The following GTF2IRD1 variants were observed in gnomAD, a reference collection of about 807,000 sequenced individuals.
The protein encoded by GTF2IRD1 is GTF2I repeat domain containing 1, also known as general transcription factor II-I repeat domain-containing protein 1.
In GTF2IRD1, 26 loss-of-function variants were observed where a neutral mutation model predicts 113.2. The observed-to-expected ratio is 0.23, with a 90% CI of 0.17 to 0.32. The LOEUF (loss-of-function observed/expected upper bound fraction) is 0.32. Ranked by LOEUF, GTF2IRD1 falls within the 10% of genes least tolerant of loss-of-function variation. The pLI is 1.00. For synonymous variants in GTF2IRD1, 484 were observed against 529.1 expected (o/e 0.91, Z 1.17); for missense variants, 864 against 1,280.8 (o/e 0.67, Z 4.97).
At chr7:74,456,552 A>G (rs970388309) in intron 1 of GTF2IRD1, among the ~76,000 whole-genome samples, 5 of 152,146 alleles carry the variant, frequency 3.3e-5, no homozygotes, top group East Asian at 1.9e-4. Context: ...GCGTGGTGGC[A>G]GGCATCTGTA....
At chr7:74,566,127 G>A (rs1168066562) in intron 22 of GTF2IRD1, among the ~76,000 whole-genome samples, 1 of 151,964 alleles carries the variant, frequency 6.6e-6, no homozygotes, top group Non-Finnish European at 1.5e-5. Context: ...TTTTTATGAT[G>A]ATACATTTCT....
intron 1 of GTF2IRD1, among the ~76,000 whole-genome samples, chr7:74,495,275 C>G (rs1244433527): frequency 6.6e-6 from 1 of 152,180 alleles, no homozygotes. Flanking sequence ...TGGGCTGAGG[C>G]TAGGACAGTC....
intron 17 of GTF2IRD1, among the ~76,000 whole-genome samples, chr7:74,550,696 C>A (rs1301299880): frequency 6.6e-6 from 1 of 151,688 alleles, no homozygotes; most frequent in African/African-American, 2.4e-5. Context: ...TCGCTTGAGC[C>A]CAGGAATTTG....
intron 1 of GTF2IRD1, among the ~76,000 whole-genome samples, chr7:74,482,955 A>G (rs2267835): frequency 0.037 from 5,676 of 152,328 alleles, 318 homozygotes; most frequent in East Asian, 0.3. Flanking sequence ...ATTACTGCCC[A>G]TCGTCAAAGA....
rs148736683 is a variant in GTF2IRD1 at position 74,582,498 on chromosome 7, A to G, written c.2321-7353A>G. 6.6e-4 allele frequency among the ~76,000 whole-genome samples: 100 copies of G among 152,206 alleles called. No homozygotes were observed. The East Asian group carries it at 0.019, about 28-fold the overall frequency. ...GGTCTTGAACTCCTGGCCTCAAGCA[A>G]TCCTCCCACTTCAGCCTTCCAAAGT... On this transcript the variant is annotated intron_variant, in intron 22 of 26. Coordinates refer to ENST00000424337, the MANE Select transcript of GTF2IRD1 (RefSeq NM_005685.4).
At chr7:74,513,613 A>G (rs1471032819) in intron 3 of GTF2IRD1, among the ~76,000 whole-genome samples, 1 of 152,160 alleles carries the variant, frequency 6.6e-6, no homozygotes, top group African/African-American at 2.4e-5. Flanking sequence ...CCATGTTCCA[A>G]TAAGATTTAT....
intron 3 of GTF2IRD1, among the ~76,000 whole-genome samples, chr7:74,513,454 T>A (rs1796750412): frequency 6.6e-6 from 1 of 152,112 alleles, no homozygotes; most frequent in African/African-American, 2.4e-5. Context: ...TACAGGCACC[T>A]ACCACCACGC....
chr7:74,463,015 T>G (rs1328134195), intron 1 of GTF2IRD1, among the ~76,000 whole-genome samples: 14 of 152,138 alleles, frequency 9.2e-5, no homozygotes, highest in African/African-American at 3.4e-4. Context: ...ATCCCCACCC[T>G]GTGGGAGTCT....
Position 74,521,619 on chromosome 7 carries a change from G to A in GTF2IRD1, c.1006+322G>A, listed in dbSNP as rs587687136. On this transcript the variant is annotated intron_variant, in intron 7 of 26. Transcript: ENST00000424337. ...TCTACAAAAAATAAGAAAAATTAGT[G>A]GATGTGGTGGTGCCTACCCGTAGTC... 3.3e-5 allele frequency among the ~76,000 whole-genome samples: 5 copies of A among 152,166 alleles called. No homozygotes were observed. The East Asian group carries it at 9.7e-4, about 29-fold the overall frequency.
Position 74,508,125 on chromosome 7 carries a change from C to T in GTF2IRD1, c.45C>T (p.Cys15=), listed in dbSNP as rs781839100. Residue 15 remains cysteine, a synonymous_variant, in exon 2 of 27, where the codon TGC becomes TGT. Coordinates refer to ENST00000424337, the MANE Select transcript of GTF2IRD1 (RefSeq NM_005685.4). ...GCTGTGACGTCCCCACCAACGGCTG[C>T]GGACCCGACCGCTGGAACTCCGCGT... is the stretch of plus-strand genomic sequence containing the variant. ...GKRCDVPTNG[C]GPDRWNSAFT... is the part of the protein sequence containing the mutation. 16 of 1,610,994 alleles carry T rather than the reference C, an allele frequency of 9.9e-6. No individual in the cohort carries two copies. Among genetic ancestry groups the T allele is most frequent in the East Asian group, 4.5e-5 (2 of 44,878 alleles).
chr7:74,477,079 C>T (rs1003726052), intron 1 of GTF2IRD1, among the ~76,000 whole-genome samples: 1 of 151,986 alleles, frequency 6.6e-6, no homozygotes, highest in Non-Finnish European at 1.5e-5. Flanking sequence ...AAAGCAAGAA[C>T]GGGGCTGGGC....
rs782117839 is a variant in GTF2IRD1, at chr7:74,519,641, G to T, written c.838G>T (p.Ala280Ser). 5.0e-6 allele frequency: 8 copies of T among 1,610,754 alleles called. No homozygotes were observed. The East Asian group carries it at 1.3e-4, about 27-fold the overall frequency. Residue 280 changes from alanine (A) to serine (S), a missense_variant, in exon 6 of 27, where the codon GCC becomes TCC. Physicochemically the swap from Ala to Ser is moderately conservative, Grantham distance 99 (BLOSUM62 1). Transcript: ENST00000424337. Reference sequence around the variant, plus strand: ...GCAGGAAGCACCTTCCTGCCCCCTTGCCCCCAGCGACCTGGGCCTGAGTCG... The same window carrying T: ...GCAGGAAGCACCTTCCTGCCCCCTTTCCCCCAGCGACCTGGGCCTGAGTCG... The part of the protein sequence containing the change: ...LKQEAPSCPL[A>S]PSDLGLSRPM...
chr7:74,566,681 C>T (rs782368491), intron 22 of GTF2IRD1, among the ~76,000 whole-genome samples: 2 of 152,196 alleles, frequency 1.3e-5, no homozygotes, highest in African/African-American at 4.8e-5. Flanking sequence ...AGCCCACTCA[C>T]GTTACCACGT....
intron 26 of GTF2IRD1, 107 bp from the exon 27 acceptor site, chr7:74,602,258 T>C: frequency 7.3e-7 from 1 of 1,372,428 alleles, no homozygotes. Flanking sequence ...ATAAAAAATA[T>C]AAATAAATAG....
chr7:74,574,993 G>C (rs1800942721), intron 22 of GTF2IRD1, among the ~76,000 whole-genome samples: 1 of 152,102 alleles, frequency 6.6e-6, no homozygotes, highest in South Asian at 2.1e-4. Context: ...GGGAGGCTGA[G>C]GCAGGAGAAT....
At chr7:74,590,283 G>A (rs1801980764) in intron 23 of GTF2IRD1, among the ~76,000 whole-genome samples, 1 of 151,574 alleles carries the variant, frequency 6.6e-6, no homozygotes, top group Non-Finnish European at 1.5e-5. Context: ...GTTTCACTAT[G>A]TTGCCCAGAC....
intron 22 of GTF2IRD1, among the ~76,000 whole-genome samples, chr7:74,584,352 C>T (rs782709212): frequency 3.9e-5 from 6 of 152,018 alleles, no homozygotes; most frequent in Non-Finnish European, 7.4e-5. Flanking sequence ...GGCTGAGGCA[C>T]GAGAATCACT....
intron 22 of GTF2IRD1, among the ~76,000 whole-genome samples, chr7:74,560,376 G>A (rs1175028415): frequency 2.0e-5 from 3 of 151,662 alleles, no homozygotes; most frequent in Admixed American, 1.3e-4. Flanking sequence ...AAGCATGTTG[G>A]TAAGATGTGG....
intron 22 of GTF2IRD1, among the ~76,000 whole-genome samples, chr7:74,578,751 T>C (rs1554365276): frequency 6.6e-6 from 1 of 152,206 alleles, no homozygotes; most frequent in Non-Finnish European, 1.5e-5. Context: ...AACCCAGCAC[T>C]GTGGCAGGCC....
Sources: gnomAD v4.1 joint callset for allele counts (sites outside exome capture counted in the v4.1 genomes callset) on GRCh38, gnomAD v4.1.1 for gene constraint, MANE v1.5 for transcripts, NCBI Gene and HGNC (gene_info 2026-07-23, HGNC 2026-07-21) for gene names.